GPHN: variants seen among roughly 807,000 people sequenced by gnomAD.
The protein encoded by GPHN is gephyrin.
A neutral mutation model predicts 95.5 loss-of-function variants in GPHN; 17 were observed. The ratio of observed to expected loss-of-function variants is 0.18; its 90% CI spans 0.12 to 0.27. GPHN has a LOEUF of 0.27. Ranked by LOEUF, GPHN falls within the 10% of genes least tolerant of loss-of-function variation. The pLI is 1.00. For missense variants in GPHN, 660 were observed against 978.1 expected (o/e 0.67, Z 4.34); for synonymous variants, 320 against 322.5 (o/e 0.99, Z 0.08).
intron 10 of GPHN, among the ~76,000 whole-genome samples, chr14:67,042,893 C>T (rs927965436): frequency 2.0e-5 from 3 of 152,020 alleles, no homozygotes. Context: ...TGTTTGTGTC[C>T]TCTTTTATTT....
intron 9 of GPHN, chr14:66,969,839 C>G (rs2069624806): frequency 1.3e-5 from 2 of 150,166 alleles, no homozygotes; most frequent in Non-Finnish European, 3.0e-5. Context: ...GAAAAGAAAT[C>G]AAGAAGCTTA....
At chr14:66,687,181 T>C (rs2067426903) in intron 2 of GPHN, among the ~76,000 whole-genome samples, 1 of 152,138 alleles carries the variant, frequency 6.6e-6, no homozygotes, top group African/African-American at 2.4e-5. Flanking sequence ...AACACCCCAC[T>C]GTCAACATTG....
intron 20 of GPHN, 115 bp from the exon 21 acceptor site, chr14:67,168,818 A>C: frequency 1.3e-6 from 1 of 763,634 alleles, no homozygotes; most frequent in South Asian, 1.4e-5. Context: ...CAGAAGAGGA[A>C]AAATAGTGCC....
the GPHN span, among the ~76,000 whole-genome samples, chr14:67,255,607 G>T: frequency 6.6e-6 from 1 of 152,124 alleles, no homozygotes; most frequent in Non-Finnish European, 1.5e-5. Flanking sequence ...AATTGCTTAG[G>T]GCTTGAGAGA....
intron 8 of GPHN, among the ~76,000 whole-genome samples, chr14:66,958,396 G>A (rs1305919253): frequency 6.6e-6 from 1 of 152,084 alleles, no homozygotes; most frequent in Admixed American, 6.5e-5. Context: ...ATCTCTTGTA[G>A]ATAGCATAGA....
the GPHN span, chr14:67,302,549 T>C: frequency 6.4e-7 from 1 of 1,558,870 alleles, no homozygotes; most frequent in Non-Finnish European, 8.7e-7. Context: ...GGGAAAGATG[T>C]CAATGAGGTT....
At chr14:67,590,647 T>C in the GPHN span, among the ~76,000 whole-genome samples, 1 of 152,146 alleles carries the variant, frequency 6.6e-6, no homozygotes, top group African/African-American at 2.4e-5. Flanking sequence ...GCTTGAGCCA[T>C]GGTGCCGGGA....
intron 3 of GPHN, among the ~76,000 whole-genome samples, chr14:66,793,969 A>G (rs557900561): frequency 6.6e-6 from 1 of 152,360 alleles, no homozygotes; most frequent in Non-Finnish European, 1.5e-5. Flanking sequence ...TAACAATTCA[A>G]TCATAAGGCA....
At chr14:66,859,038 G>A (rs992454049) in intron 4 of GPHN, among the ~76,000 whole-genome samples, 1 of 152,006 alleles carries the variant, frequency 6.6e-6, no homozygotes, top group Non-Finnish European at 1.5e-5. Context: ...CCAGTCCCTC[G>A]CTCCCAGACA....
intron 2 of GPHN, among the ~76,000 whole-genome samples, chr14:66,759,157 T>C (rs2058673489): frequency 6.6e-6 from 1 of 152,234 alleles, no homozygotes; most frequent in Admixed American, 6.5e-5. Flanking sequence ...GATAAGACTT[T>C]CTTAAAGCCG....
chr14:67,379,672 T>G, the GPHN span, among the ~76,000 whole-genome samples: 1 of 138,554 alleles, frequency 7.2e-6, no homozygotes, highest in South Asian at 2.4e-4. Flanking sequence ...TTTTTTTTTT[T>G]GAGACGGAGT....
At chr14:67,287,774 T>G in the GPHN span, among the ~76,000 whole-genome samples, 1 of 152,222 alleles carries the variant, frequency 6.6e-6, no homozygotes, top group African/African-American at 2.4e-5. Flanking sequence ...GACCAGCATT[T>G]TAAAAGTTTG....
chr14:67,023,745 A>G, intron 10 of GPHN, 70 bp downstream of exon 10: 3 of 1,266,684 alleles, frequency 2.4e-6, no homozygotes, highest in Admixed American at 1.7e-5. Flanking sequence ...TATTTTGGTG[A>G]AAAAAAAGAA....
intron 1 of GPHN, among the ~76,000 whole-genome samples, chr14:66,548,915 G>T (rs1050277850): frequency 4.6e-5 from 7 of 152,086 alleles, no homozygotes; most frequent in Non-Finnish European, 1.0e-4. Flanking sequence ...GGATCTAAGA[G>T]AAAATAACAA....
chr14:67,539,759 G>A, the GPHN span, among the ~76,000 whole-genome samples: 14 of 152,174 alleles, frequency 9.2e-5, no homozygotes, highest in Non-Finnish European at 1.9e-4. Context: ...CCATTAACTA[G>A]CTGTACAATT....
chr14:67,520,883 A>G, the GPHN span, among the ~76,000 whole-genome samples: 1 of 152,230 alleles, frequency 6.6e-6, no homozygotes. Flanking sequence ...TTTATAAGAA[A>G]TTTCCAAACT....
intron 9 of GPHN, among the ~76,000 whole-genome samples, chr14:67,022,357 A>T (rs1348425052): frequency 6.6e-6 from 1 of 151,422 alleles, no homozygotes; most frequent in Non-Finnish European, 1.5e-5. Flanking sequence ...TCTTCCCTGT[A>T]TTATTTTCTT....
At chr14:67,504,254 T>C in the GPHN span, among the ~76,000 whole-genome samples, 1 of 152,070 alleles carries the variant, frequency 6.6e-6, no homozygotes, top group African/African-American at 2.4e-5. Context: ...CCTCAAGTGA[T>C]GCGCTTACCT....
chr14:67,725,952 C>T, the GPHN span: 1 of 847,360 alleles, frequency 1.2e-6, no homozygotes, highest in East Asian at 2.4e-5. Context: ...CCAACAAAGA[C>T]AACTAATGAA....
Sources: gnomAD v4.1 joint callset for allele counts (sites outside exome capture counted in the v4.1 genomes callset) on GRCh38, gnomAD v4.1.1 for gene constraint, MANE v1.5 for transcripts, NCBI Gene and HGNC (gene_info 2026-07-23, HGNC 2026-07-21) for gene names.